The following EDC4 variants were observed in gnomAD, a reference collection of about 807,000 sequenced individuals.
EDC4 encodes the protein enhancer of mRNA-decapping protein 4.
EDC4 carries 64 observed loss-of-function variants against 155.8 expected under a neutral mutation model. The ratio of observed to expected loss-of-function variants is 0.41; its 90% confidence interval spans 0.34 to 0.51. The LOEUF (loss-of-function observed/expected upper bound fraction) is 0.51, where lower values mean the gene tolerates loss of function less well. EDC4 is among the 20% of genes least tolerant of loss of function. The pLI, the probability that EDC4 is intolerant of heterozygous loss-of-function variation, is 0.19. For missense variants in EDC4, 1,303 were observed against 1,812.5 expected, an observed-to-expected ratio of 0.72 and a Z score of 5.10; for synonymous variants, 684 against 716.8, an observed-to-expected ratio of 0.95 and a Z score of 0.73.
At position 67,882,106 on chromosome 16, in the gene EDC4, C is replaced by T. The variant is rs757992566; in HGVS notation, c.3157C>T (p.Pro1053Ser). Residue 1053 changes from proline to serine, a missense_variant, in exon 23 of 29, where the codon CCA becomes TCA. Physicochemically the swap from Pro to Ser is moderately conservative, Grantham distance 74 (BLOSUM62 -1). Coordinates refer to ENST00000358933, the MANE Select transcript of EDC4 (RefSeq NM_014329.5). This position sits in a 1 kb window ranked among gnomAD's most constrained non-coding sequence, Gnocchi z 7.2. ...IRDEIKKTVP[P>S]CVSRSLEPMA... The stretch of plus-strand genomic sequence containing the variant: ...GGATGAGATCAAGAAGACAGTCCCT[C>T]CATGTGAGTTTTGCATGCAGACTCC... 6.2e-7 allele frequency: 1 copy of T among 1,613,848 alleles called. No homozygotes were observed. Among genetic ancestry groups the T allele is most frequent in the East Asian group, 2.2e-5 (1 of 44,880 alleles).
chr16:67,875,041 A>C (rs2058036177), intron 1 of EDC4, among the ~76,000 whole-genome samples: 2 of 152,186 alleles, frequency 1.3e-5, no homozygotes, highest in African/African-American at 2.4e-5. Flanking sequence ...GATCGCGCCA[A>C]AATAATTCAA....
Position 67,878,115 on chromosome 16 carries a change from G to A in EDC4, c.895-51G>A. The A allele has an allele frequency of 6.2e-7, 1 of 1,610,304 alleles. No individual in the cohort carries two copies. Among genetic ancestry groups the A allele is most frequent in the East Asian group, 2.2e-5 (1 of 44,764 alleles). On this transcript the variant is annotated intron_variant, in intron 7 of 28. Coordinates refer to ENST00000358933, the MANE Select transcript of EDC4 (RefSeq NM_014329.5). The surrounding 1 kb of genome is among the most constrained non-coding windows in gnomAD (Gnocchi z 5.2). ...CCAGCTCATTGCCATCCTCACTTGG[G>A]AGGGGCTTGTTCTCACCTCTAGTCA...
Position 67,882,906 on chromosome 16 carries a change from A to G in EDC4, c.3629+41A>G, listed in dbSNP as rs777456894. Reference sequence around the variant, plus strand: ...ACTGGGCAAGGTGGTGGGCTTGAGAAAGGCCAGACTAGGCTCCCTGTCCAC... The same window carrying G: ...ACTGGGCAAGGTGGTGGGCTTGAGAGAGGCCAGACTAGGCTCCCTGTCCAC... On this transcript the variant is annotated intron_variant, in intron 26 of 28. Coordinates refer to ENST00000358933, the MANE Select transcript of EDC4 (RefSeq NM_014329.5). This position sits in a 1 kb window ranked among gnomAD's most constrained non-coding sequence, Gnocchi z 7.2. The G allele has an allele frequency of 5.0e-6, 8 of 1,613,952 alleles. No individual in the cohort carries two copies. In the East Asian group the frequency reaches 1.8e-4, roughly 36 times the overall value.
chr16:67,879,521 G>C lies in EDC4; in HGVS notation c.1633+18G>C. The C allele has an allele frequency of 6.2e-7, 1 of 1,614,070 alleles. No homozygotes were observed. The highest frequency in any genetic ancestry group is 8.5e-7 in the Non-Finnish European group (1 of 1,179,992). On this transcript the variant is annotated intron_variant, in intron 14 of 28. Coordinates refer to ENST00000358933, the MANE Select transcript of EDC4 (RefSeq NM_014329.5). The surrounding 1 kb of genome is among the most constrained non-coding windows in gnomAD (Gnocchi z 6.0). ...GGACTTCAGTGAGTAGGGCGTGAGA[G>C]GGAGGTAGGGTAAGTTGGACTGACC...
Position 67,879,330 on chromosome 16 carries a change from G to A in EDC4, c.1541+21G>A, listed in dbSNP as rs1406704875. On this transcript the variant is annotated intron_variant, in intron 13 of 28. Transcript: ENST00000358933. This position sits in a 1 kb window ranked among gnomAD's most constrained non-coding sequence, Gnocchi z 6.0. ...ACTAAGTGAGTGAGTGGGGAGGCCC[G>A]CCAGTGTCCTGTCTGTGTCTGTCTC... is the stretch of plus-strand genomic sequence containing the variant. The A allele has an allele frequency of 4.3e-6, 7 of 1,614,044 alleles. No homozygotes were observed. The highest frequency in any genetic ancestry group is 2.2e-5 in the East Asian group (1 of 44,898).
intron 1 of EDC4, 184 bp downstream of exon 1, chr16:67,873,527 C>T (rs1033921218): frequency 4.9e-5 from 23 of 471,004 alleles, no homozygotes; most frequent in Middle Eastern, 7.9e-4. Context: ...CCCTCCCTAT[C>T]TTGTCCTCAG....
rs146270915 is a variant in EDC4 at position 67,879,109 on chromosome 16, C to T, written c.1440C>T (p.Ala480=). 7.4e-6 allele frequency: 12 copies of T among 1,613,604 alleles called. No individual in the cohort carries two copies. Among genetic ancestry groups the T allele is most frequent in the Admixed American group, 5.0e-5 (3 of 59,988 alleles). The change falls in exon 12 of 29, where the codon GCC becomes GCT. Residue 480 remains alanine, a synonymous_variant. Transcript: ENST00000358933. This position sits in a 1 kb window ranked among gnomAD's most constrained non-coding sequence, Gnocchi z 6.0. Reference sequence around the variant, plus strand: ...TACGGCACACTGAGGTGCTGCCTGCCGAAGAGGAAAATGACAGCCTGGGTG... The same window carrying T: ...TACGGCACACTGAGGTGCTGCCTGCTGAAGAGGAAAATGACAGCCTGGGTG... ...CRLRHTEVLP[A]EEENDSLGAD...
chr16:67,879,734 C>T lies in EDC4; in HGVS notation c.1781C>T (p.Thr594Ile). ...AGTGAGACCAAGCCCAAGTTGATGA[C>T]ACCTGACGCCTTCATGACACCTAGC... ...LSSETKPKLM[T>I]PDAFMTPSAS... is the part of the protein sequence containing the mutation. The change falls in exon 15 of 29, where the codon ACA becomes ATA. Residue 594 changes from threonine to isoleucine, a missense_variant. Coordinates refer to ENST00000358933, the MANE Select transcript of EDC4 (RefSeq NM_014329.5). The surrounding 1 kb of genome is among the most constrained non-coding windows in gnomAD (Gnocchi z 6.0). The T allele has an allele frequency of 6.2e-7, 1 of 1,614,200 alleles. No homozygotes were observed. Among genetic ancestry groups the T allele is most frequent in the Non-Finnish European group, 8.5e-7 (1 of 1,180,034 alleles).
Position 67,881,188 on chromosome 16 carries a change from C to T in EDC4, c.2636+8C>T. The T allele has an allele frequency of 6.2e-7, 1 of 1,614,052 alleles. No homozygotes were observed. The highest frequency in any genetic ancestry group is 8.5e-7 in the Non-Finnish European group (1 of 1,180,016). Reference sequence around the variant, plus strand: ...TGCCAGTGCTGAGCAAAGGTGGGAGCCACTCTACACCATTGCCCTCATGGG... The same window carrying T: ...TGCCAGTGCTGAGCAAAGGTGGGAGTCACTCTACACCATTGCCCTCATGGG... On this transcript the variant is annotated splice_region_variant and intron_variant, in intron 19 of 28. Coordinates refer to ENST00000358933, the MANE Select transcript of EDC4 (RefSeq NM_014329.5). This position sits in a 1 kb window ranked among gnomAD's most constrained non-coding sequence, Gnocchi z 5.4.
chr16:67,877,475 C>A lies in EDC4; in HGVS notation c.642-34C>A, dbSNP rs1302274839. On this transcript the variant is annotated intron_variant, in intron 5 of 28. Coordinates refer to ENST00000358933, the MANE Select transcript of EDC4 (RefSeq NM_014329.5). The surrounding 1 kb of genome is among the most constrained non-coding windows in gnomAD (Gnocchi z 4.9). Reference sequence around the variant, plus strand: ...GCGGAGCTGGGGTGTCACGCCTCTTCATTCATCTATCTAGCCCTTAACACC... The same window carrying A: ...GCGGAGCTGGGGTGTCACGCCTCTTAATTCATCTATCTAGCCCTTAACACC... 2 of 1,612,310 alleles carry A rather than the reference C, an allele frequency of 1.2e-6. No individual in the cohort carries two copies. Among genetic ancestry groups the A allele is most frequent in the Non-Finnish European group, 1.7e-6 (2 of 1,178,684 alleles).
rs2058039658 is a variant in EDC4 at position 67,875,961 on chromosome 16, C to T, written c.99C>T (p.Ser33=). ...DRPAGGPSAE[S]PRPSSAYNGD... ...TGTCCCCAGGCCCCAGTGCAGAGAG[C>T]CCACGGCCATCCAGTGCCTACAATG... The change falls in exon 2 of 29, where the codon AGC becomes AGT. Residue 33 remains serine (S), a synonymous_variant. Transcript: ENST00000358933. 3 of 1,613,806 alleles carry T rather than the reference C, an allele frequency of 1.9e-6. No individual in the cohort carries two copies. The highest frequency in any genetic ancestry group is 2.5e-6 in the Non-Finnish European group (3 of 1,179,934).
intron 1 of EDC4, 116 bp downstream of exon 1, chr16:67,873,459 G>T: frequency 1.2e-6 from 1 of 848,314 alleles, no homozygotes; most frequent in Non-Finnish European, 1.7e-6. Context: ...CTCCCGGCGG[G>T]TAAGGGTGGA....
Position 67,876,466 on chromosome 16 carries a change from GT to G in EDC4, c.240-17del. The G allele has an allele frequency of 6.2e-7, 1 of 1,612,644 alleles. No individual in the cohort carries two copies. The highest frequency in any genetic ancestry group is 8.5e-7 in the Non-Finnish European group (1 of 1,179,258). On this transcript the variant is annotated intron_variant, in intron 2 of 28. Coordinates refer to ENST00000358933, the MANE Select transcript of EDC4 (RefSeq NM_014329.5). The surrounding 1 kb of genome is among the most constrained non-coding windows in gnomAD (Gnocchi z 5.8). ...AGCCTTTGGGTGAACAAGAGGCAAA[GT>G]TTTTGCACTCTTCCCCACAGCTGTC...
At position 67,877,497 on chromosome 16, in the gene EDC4, C is replaced by T; in HGVS notation, c.642-12C>T. ...CTTCATTCATCTATCTAGCCCTTAA[C>T]ACCCTGCTCAGAGAAGAGATCTTGG... On this transcript the variant is annotated splice_polypyrimidine_tract_variant and intron_variant, in intron 5 of 28. Transcript: ENST00000358933. This position sits in a 1 kb window ranked among gnomAD's most constrained non-coding sequence, Gnocchi z 4.9. 2 of 1,614,032 alleles carry T rather than the reference C, an allele frequency of 1.2e-6. No homozygotes were observed.
rs747918579 is a variant in EDC4, at chr16:67,878,631, G to A, written c.1184G>A (p.Arg395His). The A allele has an allele frequency of 5.6e-6, 9 of 1,614,156 alleles. No homozygotes were observed. Among genetic ancestry groups the A allele is most frequent in the Admixed American group, 3.3e-5 (2 of 60,008 alleles). ...TVSWTCLQTI[R>H]FSPDIFSSVS... is the part of the protein sequence containing the mutation. ...TCCTGGACCTGCCTGCAGACTATTC[G>A]GTAAGCAGTGGCTGGAAGGCTGGGG... The change falls in exon 10 of 29, where the codon CGC becomes CAC. Residue 395 changes from arginine to histidine, a missense_variant and splice_region_variant. By Grantham distance (29) the Arg-to-His change is conservative. Around this residue, in one of 5 missense-constraint regions of EDC4, gnomAD observed 235 missense variants for 367.7 expected, o/e 0.64. Transcript: ENST00000358933. The surrounding 1 kb of genome is among the most constrained non-coding windows in gnomAD (Gnocchi z 5.2).
chr16:67,879,001 C>T lies in EDC4; in HGVS notation c.1332C>T (p.His444=), dbSNP rs779613939. The change falls in exon 12 of 29, where the codon CAC becomes CAT. Residue 444 remains histidine (H), a synonymous_variant. Coordinates refer to ENST00000358933, the MANE Select transcript of EDC4 (RefSeq NM_014329.5). The surrounding 1 kb of genome is among the most constrained non-coding windows in gnomAD (Gnocchi z 6.0). ...TGCTGCAAAACCAGGAGGAGGGCCA[C>T]GCCTGCTTCAGCTCCATCTCGGAGT... ...MELLQNQEEG[H]ACFSSISEFL... 1.1e-5 allele frequency: 18 copies of T among 1,612,030 alleles called. No homozygotes were observed. The highest frequency in any genetic ancestry group is 5.5e-5 in the South Asian group (5 of 91,090).
At position 67,882,102 on chromosome 16, in the gene EDC4, C is replaced by T; in HGVS notation, c.3153C>T (p.Val1051=). 1 of 1,613,798 alleles carries T rather than the reference C, an allele frequency of 6.2e-7. No individual in the cohort carries two copies. The highest frequency in any genetic ancestry group is 8.5e-7 in the Non-Finnish European group (1 of 1,179,998). Residue 1051 remains valine (V), a synonymous_variant, in exon 23 of 29, where the codon GTC becomes GTT. Transcript: ENST00000358933. This position sits in a 1 kb window ranked among gnomAD's most constrained non-coding sequence, Gnocchi z 7.2. ...TACGGGATGAGATCAAGAAGACAGT[C>T]CCTCCATGTGAGTTTTGCATGCAGA... ...RSIRDEIKKT[V]PPCVSRSLEP...
Position 67,882,391 on chromosome 16 carries a change from G to A in EDC4, c.3277-38G>A, listed in dbSNP as rs1262113053. 6.2e-7 allele frequency: 1 copy of A among 1,612,694 alleles called. No individual in the cohort carries two copies. The highest frequency in any genetic ancestry group is 2.2e-5 in the East Asian group (1 of 44,842). ...CCTGGGCCTAGTCAGGCCAGGCTGG[G>A]CTCAGGCTTTCAACTTGGCCCCTCC... On this transcript the variant is annotated intron_variant, in intron 24 of 28. Transcript: ENST00000358933. This position sits in a 1 kb window ranked among gnomAD's most constrained non-coding sequence, Gnocchi z 7.2.
Position 67,884,005 on chromosome 16 carries a change from C to T in EDC4, c.4063C>T (p.Arg1355Trp). 2.5e-6 allele frequency: 4 copies of T among 1,613,830 alleles called. No individual in the cohort carries two copies. Among genetic ancestry groups the T allele is most frequent in the Non-Finnish European group, 3.4e-6 (4 of 1,179,852 alleles). ...CCTGGACCACAGTGACCCCATCACT[C>T]GGGACCACATGGGCTCCGTTATGGC... ...MHLDHSDPIT[R>W]DHMGSVMAQV... Residue 1355 changes from arginine to tryptophan, a missense_variant, in exon 29 of 29, where the codon CGG (arginine) becomes TGG (tryptophan). Arg to Trp is a moderately radical substitution (Grantham distance 101, BLOSUM62 -3). This residue lies in a region of EDC4 where 527 missense variants were observed against 757.0 expected (regional missense o/e 0.70). Coordinates refer to ENST00000358933, the MANE Select transcript of EDC4 (RefSeq NM_014329.5). The surrounding 1 kb of genome is among the most constrained non-coding windows in gnomAD (Gnocchi z 4.1).
Sources: allele counts gnomAD v4.1 joint callset (sites outside exome capture counted in the v4.1 genomes callset), GRCh38; gene constraint gnomAD v4.1.1; regional missense constraint gnomAD v4.1.1; non-coding constraint Gnocchi (gnomAD v3.1); transcripts MANE v1.5; gene names NCBI Gene and HGNC (gene_info 2026-07-23, HGNC 2026-07-21).